Variants in SPTLC1 observed in about 807,000 individuals in gnomAD.
SPTLC1 encodes the protein serine palmitoyltransferase long chain base subunit 1, also known as serine palmitoyltransferase 1.
Under a neutral mutation model 68.9 loss-of-function variants are expected in SPTLC1, and 55 were observed. That is an observed-to-expected ratio of 0.80 (90% CI 0.64 to 1.00). The LOEUF (loss-of-function observed/expected upper bound fraction) is 1.00, where lower values mean the gene tolerates loss of function less well. Ranked by LOEUF, SPTLC1 falls within the 50% of genes least tolerant of loss-of-function variation. SPTLC1 has a pLI of 0.00. For synonymous variants in SPTLC1, 197 were observed against 201.6 expected (o/e 0.98, Z 0.19); for missense variants, 449 against 573.1 (o/e 0.78, Z 2.21).
chr9:92,089,810 A>G (rs1835289716), intron 3 of SPTLC1, among the ~76,000 whole-genome samples: 1 of 152,216 alleles, frequency 6.6e-6, no homozygotes, highest in African/African-American at 2.4e-5. Context: ...CATGACAGTG[A>G]AACTGTAGAA....
rs1264087668 is a variant in SPTLC1, at chr9:92,032,318, C to CA, written c.*146dup. The CA allele has an allele frequency of 6.5e-7, 1 of 1,546,868 alleles. No individual in the cohort carries two copies. On this transcript the variant is annotated 3_prime_UTR_variant, in exon 15 of 15. Coordinates refer to ENST00000262554, the MANE Select transcript of SPTLC1 (RefSeq NM_006415.4). ...AATAAGCATCCTTCTCATGGTCACA[C>CA]AATTGGTCCATACTGACACCATTTG...
At chr9:92,099,940 A>G (rs908429951) in intron 3 of SPTLC1, among the ~76,000 whole-genome samples, 11 of 152,218 alleles carry the variant, frequency 7.2e-5, no homozygotes, top group Non-Finnish European at 5.9e-5. Flanking sequence ...TTATAGGTAC[A>G]CACTACACAT....
At chr9:92,095,342 T>C (rs1189179834) in intron 3 of SPTLC1, among the ~76,000 whole-genome samples, 2 of 152,172 alleles carry the variant, frequency 1.3e-5, no homozygotes, top group Non-Finnish European at 2.9e-5. Flanking sequence ...GGCAGGCATA[T>C]ATCAGTATCC....
At chr9:92,067,052 C>G (rs1834313433) in intron 6 of SPTLC1, among the ~76,000 whole-genome samples, 1 of 151,762 alleles carries the variant, frequency 6.6e-6, no homozygotes, top group Admixed American at 6.6e-5. Context: ...AATCCTAGCA[C>G]TTTGGGAGGC....
chr9:92,115,341 C>A lies in SPTLC1; in HGVS notation c.30G>T (p.Leu10=), dbSNP rs751863402. 1.2e-6 allele frequency: 2 copies of A among 1,612,830 alleles called. No individual in the cohort carries two copies. The highest frequency in any genetic ancestry group is 1.7e-6 in the Non-Finnish European group (2 of 1,179,998). Residue 10 remains leucine, a synonymous_variant, in exon 1 of 15, where the codon CTG becomes CTT. Transcript: ENST00000262554. MATATEQWV[L]VEMVQALYEA... ...CGTAAAGCGCCTGTACCATCTCCAC[C>A]AGAACCCACTGCTCCGTGGCGGTCG...
intron 4 of SPTLC1, among the ~76,000 whole-genome samples, chr9:92,080,455 CCTCT>C (rs1287657599): frequency 1.3e-5 from 2 of 152,222 alleles, no homozygotes; most frequent in Non-Finnish European, 2.9e-5. Context: ...GAGACTCTTG[CCTCT>C]CTCTGTCTAG....
intron 10 of SPTLC1, 65 bp downstream of exon 10, chr9:92,047,548 T>C (rs972901990): frequency 1.8e-6 from 2 of 1,083,490 alleles, no homozygotes; most frequent in Non-Finnish European, 2.8e-6. Context: ...TTCAAAATTA[T>C]ATTTTGAGGT....
chr9:92,085,600 TGA>T (rs1439949382), intron 3 of SPTLC1, among the ~76,000 whole-genome samples: 1 of 150,038 alleles, frequency 6.7e-6, no homozygotes, highest in East Asian at 2.0e-4. Context: ...CACTGTGGTC[TGA>T]GAGACAGTTT....
intron 3 of SPTLC1, among the ~76,000 whole-genome samples, chr9:92,082,664 A>C (rs1449994498): frequency 6.6e-6 from 1 of 151,986 alleles, no homozygotes; most frequent in Admixed American, 6.6e-5. Flanking sequence ...GTTGGTTCCA[A>C]GTCTTTGCTA....
At chr9:92,039,992 T>C (rs1302586322) in intron 12 of SPTLC1, among the ~76,000 whole-genome samples, 1 of 152,230 alleles carries the variant, frequency 6.6e-6, no homozygotes, top group Admixed American at 6.5e-5. Flanking sequence ...TGAAAACCCA[T>C]TTCCTGTGTA....
chr9:92,075,870 A>C (rs150431952), intron 5 of SPTLC1, among the ~76,000 whole-genome samples: 132 of 152,188 alleles, frequency 8.7e-4, no homozygotes, highest in Non-Finnish European at 1.8e-4. Flanking sequence ...CCTAATCCAC[A>C]CAACTGTATT....
chr9:92,095,636 C>A (rs1282576763), intron 3 of SPTLC1, among the ~76,000 whole-genome samples: 1 of 152,160 alleles, frequency 6.6e-6, no homozygotes, highest in Non-Finnish European at 1.5e-5. Context: ...AACACCTCAA[C>A]CCTTGATCTC....
chr9:92,034,075 A>G (rs545728303), intron 14 of SPTLC1, among the ~76,000 whole-genome samples: 1 of 152,326 alleles, frequency 6.6e-6, no homozygotes, highest in African/African-American at 2.4e-5. Context: ...CCCTGAGCAA[A>G]GCACACACCA....
intron 14 of SPTLC1, among the ~76,000 whole-genome samples, chr9:92,033,938 C>G (rs1356258891): frequency 6.6e-6 from 1 of 152,232 alleles, no homozygotes; most frequent in Non-Finnish European, 1.5e-5. Flanking sequence ...AGCATTCAAA[C>G]TCCCCAGTGG....
intron 7 of SPTLC1, among the ~76,000 whole-genome samples, chr9:92,057,754 G>A (rs1393706331): frequency 1.3e-5 from 2 of 152,100 alleles, no homozygotes; most frequent in African/African-American, 4.8e-5. Context: ...ATGTGAAAAT[G>A]AAACTGAAAA....
chr9:92,077,958 A>C (rs1834742240), intron 5 of SPTLC1, among the ~76,000 whole-genome samples: 3 of 149,922 alleles, frequency 2.0e-5, no homozygotes, highest in South Asian at 2.1e-4. Context: ...AACCTCACCC[A>C]CTCCCTCCTC....
chr9:92,072,792 TGAGGTACC>T (rs1834545793), intron 5 of SPTLC1, among the ~76,000 whole-genome samples: 1 of 152,148 alleles, frequency 6.6e-6, no homozygotes, highest in South Asian at 2.1e-4. Flanking sequence ...GCAAATGGTC[TGAGGTACC>T]CTACATCCAG....
At chr9:92,104,072 A>T (rs546034629) in intron 3 of SPTLC1, among the ~76,000 whole-genome samples, 17 of 152,250 alleles carry the variant, frequency 1.1e-4, no homozygotes, top group African/African-American at 4.1e-4. Flanking sequence ...TGGCTCTGTC[A>T]CCAGCCCCAT....
chr9:92,093,068 C>T (rs1341689717), intron 3 of SPTLC1, among the ~76,000 whole-genome samples: 1 of 151,690 alleles, frequency 6.6e-6, no homozygotes, highest in East Asian at 1.9e-4. Context: ...TCAATCAATA[C>T]TAGAAAAGAT....
Sources: allele counts gnomAD v4.1 joint callset (sites outside exome capture counted in the v4.1 genomes callset), GRCh38; gene constraint gnomAD v4.1.1; transcripts MANE v1.5; gene names NCBI Gene and HGNC (gene_info 2026-07-23, HGNC 2026-07-21).